The following ROGDI variants were observed in gnomAD, a reference collection of about 807,000 sequenced individuals.
ROGDI encodes rogdi atypical leucine zipper.
ROGDI carries 46 observed loss-of-function variants against 43.1 expected under a neutral mutation model. The observed-to-expected ratio is 1.07, with a 90% confidence interval of 0.84 to 1.37. ROGDI has a LOEUF of 1.37. Among genes scored for constraint, ROGDI ranks in the 40% most tolerant of loss-of-function variants. The pLI, the probability that ROGDI is intolerant of heterozygous loss-of-function variation, is 0.00. For missense variants in ROGDI, 518 were observed against 383.9 expected (o/e 1.35, Z -2.92); for synonymous variants, 243 against 162.0 (o/e 1.50, Z -3.80).
At chr16:4,799,644 A>T (rs1483745560) in intron 6 of ROGDI, 42 bp downstream of exon 6, 7 of 1,474,820 alleles carry the variant, frequency 4.7e-6, no homozygotes. Context: ...CGGATCAAGA[A>T]CGTGGGACTA....
intron 6 of ROGDI, among the ~76,000 whole-genome samples, chr16:4,799,324 G>A (rs569538743): frequency 6.6e-6 from 1 of 152,216 alleles, no homozygotes; most frequent in South Asian, 2.1e-4. Flanking sequence ...CAGAGGTCCA[G>A]AGAGGGCAGG....
intron 6 of ROGDI, among the ~76,000 whole-genome samples, chr16:4,799,426 A>C (rs1049771987): frequency 1.3e-5 from 2 of 152,088 alleles, no homozygotes; most frequent in African/African-American, 4.8e-5. Context: ...CCACGCGGTT[A>C]ATGTGAAGGC....
Position 4,797,740 on chromosome 16 carries a change from G to A in ROGDI, c.796C>T (p.Gln266Ter), listed in dbSNP as rs778395968. ...DALVYFTVSL[Q>*]LCQQLKDKIS... is the part of the protein sequence containing the mutation. ...TTGTCCTTGAGCTGCTGGCAGAGCT[G>A]CAGGGAGACGGTGAAGTAGACCAGG... The change falls in exon 10 of 11, where the codon CAG becomes TAG. Residue 266 changes from glutamine to a stop codon, truncating the protein, a stop_gained. Coordinates refer to ENST00000322048, the MANE Select transcript of ROGDI (RefSeq NM_024589.3). LOFTEE classifies it high-confidence loss of function. 7.0e-7 allele frequency: 1 copy of A among 1,437,516 alleles called. No individual in the cohort carries two copies. The highest frequency in any genetic ancestry group is 1.2e-5 in the South Asian group (1 of 82,014). 89.0% of individuals were successfully genotyped at this position (1,437,516 alleles called of 1,614,324 possible). A position where few individuals can be genotyped will look rare whatever the true frequency, so the allele number is the denominator to read the frequency against.
chr16:4,797,116 C>T lies in ROGDI; in HGVS notation c.*344G>A, dbSNP rs1357714712. The T allele has an allele frequency of 3.4e-6, 1 of 292,004 alleles. No homozygotes were observed. Among genetic ancestry groups the T allele is most frequent in the Non-Finnish European group, 6.5e-6 (1 of 152,716 alleles). 18.1% of individuals were successfully genotyped at this position (292,004 alleles called of 1,614,324 possible). A position where few individuals can be genotyped will look rare whatever the true frequency, so the allele number is the denominator to read the frequency against. Reference sequence around the variant, plus strand: ...ATAGCTCAGTGCCACCCCCCGACACCATGCCCTCCAGGGGGAGGGGACAGC... The same window carrying T: ...ATAGCTCAGTGCCACCCCCCGACACTATGCCCTCCAGGGGGAGGGGACAGC... On this transcript the variant is annotated 3_prime_UTR_variant, in exon 11 of 11. Transcript: ENST00000322048.
At position 4,801,283 on chromosome 16, in the gene ROGDI, T is replaced by TC; in HGVS notation, c.238dup (p.Asp80GlyfsTer62). On this transcript the variant is annotated frameshift_variant, in exon 4 of 11. Coordinates refer to ENST00000322048, the MANE Select transcript of ROGDI (RefSeq NM_024589.3). LOFTEE classifies it high-confidence loss of function. ...GGGACTCACCGCCTGGCTGAGGGCATCCCCCTGCAGAGTCAGCACACCCTT... is the reference window on the plus strand; with the variant it reads ...GGGACTCACCGCCTGGCTGAGGGCATCCCCCCTGCAGAGTCAGCACACCCTT... The TC allele has an allele frequency of 6.2e-7, 1 of 1,606,900 alleles. No homozygotes were observed. The highest frequency in any genetic ancestry group is 8.5e-7 in the Non-Finnish European group (1 of 1,175,244).
Position 4,798,614 on chromosome 16 carries a change from G to T in ROGDI, c.486C>A (p.Thr162=). 1 of 1,575,982 alleles carries T rather than the reference G, an allele frequency of 6.3e-7. No individual in the cohort carries two copies. The highest frequency in any genetic ancestry group is 8.6e-7 in the Non-Finnish European group (1 of 1,165,704). The change falls in exon 7 of 11, where the codon ACC becomes ACA. Residue 162 remains threonine (T), a synonymous_variant. Coordinates refer to ENST00000322048, the MANE Select transcript of ROGDI (RefSeq NM_024589.3). ...TCTCGGGGAGGGTGAGGGTGGCGGG[G>T]GTGGTGAGCCGGTTTCGGGCTCTGG... ...QLTRARNRLT[T]PATLTLPEIA...
chr16:4,801,246 G>A (rs1297769294), intron 4 of ROGDI, 21 bp downstream of exon 4: 2 of 1,589,066 alleles, frequency 1.3e-6, no homozygotes, highest in Non-Finnish European at 1.7e-6. Flanking sequence ...GGATGGGAGG[G>A]GACAGGGCCG....
chr16:4,801,679 G>T (rs1488792560), intron 2 of ROGDI, 94 bp from the exon 3 acceptor site: 2 of 1,230,692 alleles, frequency 1.6e-6, no homozygotes, highest in African/African-American at 1.5e-5. Context: ...AAGTCAGCGG[G>T]GGGAAGGAAC....
At chr16:4,801,771 T>G in intron 2 of ROGDI, 186 bp from the exon 3 acceptor site, 5 of 613,520 alleles carry the variant, frequency 8.1e-6, no homozygotes, top group Middle Eastern at 4.3e-4. Flanking sequence ...GTGAGCCCGA[T>G]CTCTGCTTAT....
At position 4,797,807 on chromosome 16, in the gene ROGDI, G is replaced by A. The variant is rs1232041975; in HGVS notation, c.729C>T (p.His243=). The part of the protein sequence containing the change: ...EWGSQRLEVS[H]VHKVECVIPW... ...GGATCACGCACTCCACTTTGTGCAC[G>A]TGGCTCACCTCCAGGCGCTGAGAGC... The change falls in exon 10 of 11, where the codon CAC becomes CAT. Residue 243 remains histidine (H), a synonymous_variant. Coordinates refer to ENST00000322048, the MANE Select transcript of ROGDI (RefSeq NM_024589.3). 50 of 1,612,876 alleles carry A rather than the reference G, an allele frequency of 3.1e-5. No homozygotes were observed. Among genetic ancestry groups the A allele is most frequent in the African/African-American group, 5.3e-5 (4 of 74,894 alleles).
rs578160915 is a variant in ROGDI, at chr16:4,798,675, G to A, written c.433-8C>T. 16 of 1,552,044 alleles carry A rather than the reference G, an allele frequency of 1.0e-5. No individual in the cohort carries two copies. The African/African-American group carries it at 1.7e-4, about 17-fold the overall frequency. On this transcript the variant is annotated splice_region_variant and splice_polypyrimidine_tract_variant and intron_variant, in intron 6 of 10. Coordinates refer to ENST00000322048, the MANE Select transcript of ROGDI (RefSeq NM_024589.3). ...CATCACTGCGTCCATCAGCTGCAGGGAGAGGCGGGGTTGGCTCTGCGTCCT... is the reference window on the plus strand; with the variant it reads ...CATCACTGCGTCCATCAGCTGCAGGAAGAGGCGGGGTTGGCTCTGCGTCCT...
At chr16:4,802,309 C>G (rs1217253938) in intron 2 of ROGDI, 73 bp downstream of exon 2, 5 of 1,335,274 alleles carry the variant, frequency 3.7e-6, no homozygotes, top group East Asian at 2.5e-5. Flanking sequence ...CGCAGCCGCG[C>G]GGCCCCAGGT....
intron 6 of ROGDI, 25 bp downstream of exon 6, chr16:4,799,661 G>C (rs200097213): frequency 6.4e-7 from 1 of 1,571,050 alleles, no homozygotes; most frequent in Non-Finnish European, 8.7e-7. Flanking sequence ...ACTAGGCCCA[G>C]GAGTCAGGCC....
In ROGDI at chr16:4,797,993, G is replaced by C. The variant is rs200792197; in HGVS notation, c.646-6C>G. ...CCCCCAGCTGGGCGGAAGTTCTAGGGAGAACAGCACCAGACCCGTCAGGCC... is the reference window on the plus strand; with the variant it reads ...CCCCCAGCTGGGCGGAAGTTCTAGGCAGAACAGCACCAGACCCGTCAGGCC... On this transcript the variant is annotated splice_region_variant and splice_polypyrimidine_tract_variant and intron_variant, in intron 8 of 10. Transcript: ENST00000322048. The C allele has an allele frequency of 4.3e-6, 7 of 1,612,100 alleles. No individual in the cohort carries two copies. The highest frequency in any genetic ancestry group is 1.7e-4 in the Middle Eastern group (1 of 6,052).
At chr16:4,798,239 G>C in intron 7 of ROGDI, 55 bp from the exon 8 acceptor site, 1 of 1,444,368 alleles carries the variant, frequency 6.9e-7, no homozygotes, top group South Asian at 1.2e-5. Context: ...AGGCTGGATG[G>C]AGCGGGGCTC....
chr16:4,802,159 G>C (rs1422778231), intron 2 of ROGDI: 1 of 653,892 alleles, frequency 1.5e-6, no homozygotes, highest in Non-Finnish European at 2.8e-6. Context: ...GGCCGGGCGG[G>C]ACTCAGGCCC....
intron 4 of ROGDI, 160 bp from the exon 5 acceptor site, chr16:4,800,738 T>G: frequency 1.6e-6 from 1 of 608,240 alleles, no homozygotes. Flanking sequence ...CGTTTGGGGG[T>G]TGAACAGGGA....
chr16:4,802,219 TATA>T, intron 2 of ROGDI, 160 bp downstream of exon 2: 1 of 692,992 alleles, frequency 1.4e-6, no homozygotes, highest in Non-Finnish European at 2.5e-6. Flanking sequence ...CAGGTACTTA[TATA>T]ATGAGGTCGG....
chr16:4,801,478 C>T (rs762421482), intron 3 of ROGDI, 25 bp downstream of exon 3: 3 of 1,590,596 alleles, frequency 1.9e-6, no homozygotes, highest in South Asian at 2.3e-5. Flanking sequence ...CCCATTTCCC[C>T]GGTTTCCGCC....
Sources: allele counts gnomAD v4.1 joint callset (sites outside exome capture counted in the v4.1 genomes callset), GRCh38; gene constraint gnomAD v4.1.1; transcripts MANE v1.5; gene names NCBI Gene and HGNC (gene_info 2026-07-23, HGNC 2026-07-21).